CNTNAP2: variants seen among roughly 807,000 people sequenced by gnomAD.
The protein encoded by CNTNAP2 is contactin associated protein 2, also known as contactin-associated protein-like 2.
In CNTNAP2, 98 loss-of-function variants were observed where a neutral mutation model predicts 155.2. That is an observed-to-expected ratio of 0.63 (90% confidence interval 0.54 to 0.75). CNTNAP2 has a LOEUF of 0.75. CNTNAP2 is among the 30% of genes least tolerant of loss of function. The probability of loss-of-function intolerance (pLI) is 0.00; values close to 1 mark genes in which losing one functional copy is unlikely to be tolerated. For missense variants in CNTNAP2, 1,727 were observed against 1,688.1 expected, an observed-to-expected ratio of 1.02 and a Z score of -0.40; for synonymous variants, 651 against 631.2, an observed-to-expected ratio of 1.03 and a Z score of -0.47.
At chr7:147,593,962 C>T (rs566691195) in intron 12 of CNTNAP2, among the ~76,000 whole-genome samples, 5 of 152,218 alleles carry the variant, frequency 3.3e-5, no homozygotes, top group East Asian at 1.9e-4. Context: ...AACAGCTTCA[C>T]GAAGTAGGCA....
chr7:147,339,073 T>C (rs2116855907), intron 9 of CNTNAP2, among the ~76,000 whole-genome samples: 1 of 152,292 alleles, frequency 6.6e-6, no homozygotes, highest in African/African-American at 2.4e-5. Context: ...AATTCTATCA[T>C]CATTGAAATG....
At chr7:148,000,750 G>T (rs369219187) in intron 15 of CNTNAP2, among the ~76,000 whole-genome samples, 13 of 152,290 alleles carry the variant, frequency 8.5e-5, no homozygotes, top group East Asian at 1.9e-4. Context: ...TTACAAACAT[G>T]AGGAAAAGAT....
intron 8 of CNTNAP2, among the ~76,000 whole-genome samples, chr7:147,169,404 G>A (rs1341894406): frequency 1.3e-5 from 2 of 152,126 alleles, no homozygotes; most frequent in African/African-American, 2.4e-5. Context: ...GTACCCAATA[G>A]GTAGTTTTTC....
At chr7:147,415,960 G>A (rs1046695635) in intron 10 of CNTNAP2, among the ~76,000 whole-genome samples, 2 of 152,122 alleles carry the variant, frequency 1.3e-5, no homozygotes, top group Non-Finnish European at 2.9e-5. Flanking sequence ...TGCATTCATG[G>A]ATCTCCACCC....
intron 9 of CNTNAP2, among the ~76,000 whole-genome samples, chr7:147,330,739 C>T (rs963710921): frequency 3.3e-5 from 5 of 152,134 alleles, no homozygotes; most frequent in South Asian, 2.1e-4. Context: ...GTTCATCATC[C>T]TTGGCTTCAC....
At chr7:146,739,855 A>G (rs1801682347) in intron 1 of CNTNAP2, among the ~76,000 whole-genome samples, 1 of 151,990 alleles carries the variant, frequency 6.6e-6, no homozygotes, top group Admixed American at 6.6e-5. Flanking sequence ...CAATTGTTAT[A>G]TCCTCTTGCT....
intron 1 of CNTNAP2, among the ~76,000 whole-genome samples, chr7:146,707,414 A>G (rs1298492207): frequency 1.3e-5 from 2 of 152,178 alleles, no homozygotes; most frequent in Non-Finnish European, 2.9e-5. Context: ...TGTTGAACAC[A>G]TTATTTAACA....
In CNTNAP2 at chr7:146,454,407, C is replaced by T. The variant is rs1796525773; in HGVS notation, c.98-319864C>T. On this transcript the variant is annotated intron_variant, in intron 1 of 23. Transcript: ENST00000361727. ...GAAGCAAGAGATTTTGCAAAAGGAA[C>T]ACTTGTTTTCAATAATGTAATGGTC... Among the ~76,000 whole-genome samples, 4 of 152,026 alleles carry T rather than the reference C, an allele frequency of 2.6e-5. No individual in the cohort carries two copies. The South Asian group carries it at 8.3e-4, about 31-fold the overall frequency.
chr7:146,666,031 A>G (rs943809618), intron 1 of CNTNAP2, among the ~76,000 whole-genome samples: 1 of 151,922 alleles, frequency 6.6e-6, no homozygotes, highest in Admixed American at 6.6e-5. Flanking sequence ...ATTTGAAACT[A>G]TAAAGTATAT....
At chr7:146,255,290 C>T (rs185665402) in intron 1 of CNTNAP2, among the ~76,000 whole-genome samples, 3 of 152,316 alleles carry the variant, frequency 2.0e-5, no homozygotes, top group Admixed American at 6.5e-5. Flanking sequence ...CAACAATAAA[C>T]AGCCCTCACA....
At chr7:148,406,069 A>G (rs958190245) in intron 22 of CNTNAP2, among the ~76,000 whole-genome samples, 1 of 151,756 alleles carries the variant, frequency 6.6e-6, no homozygotes, top group Non-Finnish European at 1.5e-5. Context: ...CGTTTCTACT[A>G]AAAATACAAA....
chr7:147,801,644 G>C (rs1235739968), intron 13 of CNTNAP2, among the ~76,000 whole-genome samples: 1 of 152,080 alleles, frequency 6.6e-6, no homozygotes, highest in East Asian at 1.9e-4. Flanking sequence ...TTGGGGGTAA[G>C]GTCACCAATC....
intron 11 of CNTNAP2, 70 bp downstream of exon 11, chr7:147,486,111 AAG>A: frequency 7.5e-7 from 1 of 1,324,912 alleles, no homozygotes; most frequent in Non-Finnish European, 1.1e-6. Context: ...CTGTGCTTTG[AAG>A]CTCAGCAACC....
intron 3 of CNTNAP2, among the ~76,000 whole-genome samples, chr7:146,953,545 C>T (rs1037798047): frequency 1.1e-4 from 17 of 151,844 alleles, no homozygotes; most frequent in South Asian, 6.2e-4. Context: ...AGGTTTGTAA[C>T]GAATTCCAAT....
intron 1 of CNTNAP2, among the ~76,000 whole-genome samples, chr7:146,134,545 G>A (rs987071079): frequency 1.3e-4 from 19 of 151,166 alleles, no homozygotes; most frequent in African/African-American, 4.3e-4. Flanking sequence ...TTGGCTGTGG[G>A]TTTGTCATAG....
Position 148,299,255 on chromosome 7 carries a change from G to C in CNTNAP2, c.3475+32129G>C, listed in dbSNP as rs575915099. On this transcript the variant is annotated intron_variant, in intron 21 of 23. Transcript: ENST00000361727. ...TGTGCCCTCCTCAGCCTCCCAAAAT[G>C]CTGGTATTACAGATGTGAGCCACCA... is the stretch of plus-strand genomic sequence containing the variant. 1.1e-4 allele frequency among the ~76,000 whole-genome samples: 16 copies of C among 152,242 alleles called. No homozygotes were observed. In the South Asian group the frequency reaches 3.3e-3, roughly 32 times the overall value.
intron 3 of CNTNAP2, among the ~76,000 whole-genome samples, chr7:146,971,062 G>A (rs1175394694): frequency 6.6e-6 from 1 of 152,054 alleles, no homozygotes; most frequent in Admixed American, 6.6e-5. Context: ...AGACTGTTGT[G>A]GGGTTGGAGG....
chr7:148,282,837 T>C (rs1255441725), intron 21 of CNTNAP2, among the ~76,000 whole-genome samples: 1 of 109,884 alleles, frequency 9.1e-6, no homozygotes, highest in East Asian at 3.1e-4. Context: ...TTAAAGAAGA[T>C]TGTCAAAACA....
intron 2 of CNTNAP2, among the ~76,000 whole-genome samples, chr7:146,807,138 C>T (rs1802982401): frequency 6.6e-6 from 1 of 152,186 alleles, no homozygotes; most frequent in East Asian, 1.9e-4. Context: ...TATTATAAAA[C>T]ATTCAAGTTG....
Sources: gnomAD v4.1 joint callset for allele counts (sites outside exome capture counted in the v4.1 genomes callset) on GRCh38, gnomAD v4.1.1 for gene constraint, MANE v1.5 for transcripts, NCBI Gene and HGNC (gene_info 2026-07-23, HGNC 2026-07-21) for gene names.